EBF1: variants seen among roughly 807,000 people sequenced by gnomAD.
The protein encoded by EBF1 is transcription factor COE1.
In EBF1, 10 loss-of-function variants were observed where a neutral mutation model predicts 68.4. The ratio of observed to expected loss-of-function variants is 0.15; its 90% CI spans 0.09 to 0.25. EBF1 has a LOEUF of 0.25. EBF1 is among the 10% of genes least tolerant of loss of function. The pLI, the probability that EBF1 is intolerant of heterozygous loss-of-function variation, is 1.00. For synonymous variants in EBF1, 298 were observed against 299.8 expected (o/e 0.99, Z 0.06); for missense variants, 509 against 794.4 (o/e 0.64, Z 4.32).
chr5:158,748,801 C>T (rs1463974939), intron 10 of EBF1, among the ~76,000 whole-genome samples: 1 of 152,162 alleles, frequency 6.6e-6, no homozygotes, highest in Non-Finnish European at 1.5e-5. Context: ...ATTCTGCCCT[C>T]TGAATACCAG....
chr5:159,021,318 GA>G (rs928685432), intron 6 of EBF1, among the ~76,000 whole-genome samples: 3 of 151,952 alleles, frequency 2.0e-5, no homozygotes, highest in Non-Finnish European at 2.9e-5. Context: ...CTCATAGGAG[GA>G]AAAAAAATAG....
intron 7 of EBF1, among the ~76,000 whole-genome samples, chr5:158,839,818 A>T (rs1396908939): frequency 6.6e-6 from 1 of 152,174 alleles, no homozygotes; most frequent in African/African-American, 2.4e-5. Flanking sequence ...CTCAAAGAAC[A>T]CCATTGTTTC....
chr5:159,027,714 A>G (rs1767974896), intron 6 of EBF1, among the ~76,000 whole-genome samples: 1 of 152,218 alleles, frequency 6.6e-6, no homozygotes, highest in Non-Finnish European at 1.5e-5. Flanking sequence ...AGCAGCTGGC[A>G]TCTGAAAAAC....
chr5:158,841,811 T>G (rs141129403), intron 6 of EBF1, among the ~76,000 whole-genome samples: 126 of 152,310 alleles, frequency 8.3e-4, no homozygotes, highest in Non-Finnish European at 1.6e-3. Flanking sequence ...TGGGAATCAT[T>G]CTTTAGAGAC....
intron 6 of EBF1, among the ~76,000 whole-genome samples, chr5:158,844,828 A>G (rs1277224503): frequency 6.6e-6 from 1 of 152,222 alleles, no homozygotes; most frequent in African/African-American, 2.4e-5. Context: ...AGTGTAGGAC[A>G]TTAGCCCATC....
chr5:158,800,805 G>T (rs755094561), intron 8 of EBF1, among the ~76,000 whole-genome samples: 14 of 152,136 alleles, frequency 9.2e-5, no homozygotes, highest in Non-Finnish European at 1.8e-4. Flanking sequence ...ACTGTGAAAA[G>T]ATTTATGAAA....
chr5:158,938,580 T>C lies in EBF1; in HGVS notation c.555-98470A>G, dbSNP rs185481211. Among the ~76,000 whole-genome samples, 122 of 152,366 alleles carry C rather than the reference T, an allele frequency of 8.0e-4. No individual in the cohort carries two copies. The Middle Eastern group carries it at 0.01, about 13-fold the overall frequency. ...GTTCTGAAGGCTGAGAAGTCCAAGA[T>C]GAGGGTGCTGCAGATTCAATATCTG... is the stretch of plus-strand genomic sequence containing the variant. On this transcript the variant is annotated intron_variant, in intron 6 of 15. Coordinates refer to ENST00000313708, the MANE Select transcript of EBF1 (RefSeq NM_024007.5).
chr5:159,094,303 T>C (rs1163458504), intron 4 of EBF1, among the ~76,000 whole-genome samples: 2 of 151,424 alleles, frequency 1.3e-5, no homozygotes, highest in African/African-American at 4.9e-5. Context: ...AGCAATCAAC[T>C]GAGAAATAAA....
At chr5:158,960,247 T>C (rs1209302293) in intron 6 of EBF1, among the ~76,000 whole-genome samples, 1 of 152,220 alleles carries the variant, frequency 6.6e-6, no homozygotes, top group African/African-American at 2.4e-5. Context: ...GCATTCTAAA[T>C]CATTAAGAGA....
intron 6 of EBF1, among the ~76,000 whole-genome samples, chr5:159,048,518 C>T (rs116081865): frequency 0.017 from 2,622 of 152,308 alleles, 27 homozygotes; most frequent in Non-Finnish European, 0.025. Flanking sequence ...GCCTCTTGTA[C>T]TTCTGGAGCC....
chr5:158,909,746 G>A (rs899403282), intron 6 of EBF1, among the ~76,000 whole-genome samples: 1 of 151,974 alleles, frequency 6.6e-6, no homozygotes, highest in Admixed American at 6.6e-5. Flanking sequence ...AGACCATCCT[G>A]GCCAACATAG....
At chr5:158,970,663 T>C (rs1211794743) in intron 6 of EBF1, among the ~76,000 whole-genome samples, 2 of 152,190 alleles carry the variant, frequency 1.3e-5, no homozygotes, top group African/African-American at 4.8e-5. Context: ...CACAAGCACC[T>C]ACGGGTTAAA....
chr5:159,041,793 C>G (rs1384969275), intron 6 of EBF1, among the ~76,000 whole-genome samples: 1 of 152,152 alleles, frequency 6.6e-6, no homozygotes, highest in African/African-American at 2.4e-5. Context: ...TTTAAAGACG[C>G]CTCCTAGAAG....
intron 6 of EBF1, among the ~76,000 whole-genome samples, chr5:158,882,070 G>A (rs1463864226): frequency 1.3e-5 from 2 of 152,194 alleles, no homozygotes; most frequent in African/African-American, 2.4e-5. Flanking sequence ...AGGCTTCAAG[G>A]ATTATTGTTT....
chr5:159,046,080 C>A (rs778276373), intron 6 of EBF1, among the ~76,000 whole-genome samples: 34 of 152,324 alleles, frequency 2.2e-4, no homozygotes, highest in Admixed American at 3.9e-4. Flanking sequence ...CTGTTCCCTA[C>A]AGCTCTCCGT....
In EBF1 at chr5:158,697,643, G is replaced by A. The variant is rs1160696972; in HGVS notation, c.*1468C>T. Reference sequence around the variant, plus strand: ...CTTTGCAAGTATGTGCAAGCTAAAGGTAGTGAGCTTTTTTTCTTTGCAAAA... The same window carrying A: ...CTTTGCAAGTATGTGCAAGCTAAAGATAGTGAGCTTTTTTTCTTTGCAAAA... On this transcript the variant is annotated 3_prime_UTR_variant, in exon 16 of 16. Transcript: ENST00000313708. The A allele has an allele frequency of 9.8e-6, 2 of 203,270 alleles. No individual in the cohort carries two copies. The highest frequency in any genetic ancestry group is 6.0e-5 in the Admixed American group (1 of 16,732). The allele number at this position is 203,270 out of a possible 1,614,324, so 12.6% of individuals were successfully genotyped here. A position where few individuals can be genotyped will look rare whatever the true frequency, so the allele number is the denominator to read the frequency against.
At chr5:158,903,984 A>G (rs1391536871) in intron 6 of EBF1, among the ~76,000 whole-genome samples, 1 of 152,092 alleles carries the variant, frequency 6.6e-6, no homozygotes, top group African/African-American at 2.4e-5. Flanking sequence ...GGTGGAGGGT[A>G]CAAAACACTT....
At chr5:158,717,402 G>T (rs1760969626) in intron 11 of EBF1, among the ~76,000 whole-genome samples, 1 of 152,048 alleles carries the variant, frequency 6.6e-6, no homozygotes, top group Non-Finnish European at 1.5e-5. Flanking sequence ...CTTATTTTTT[G>T]TGGCATTAGG....
Position 159,010,583 on chromosome 5 carries a change from T to C in EBF1, c.554+62813A>G, listed in dbSNP as rs76642899. 3.1e-3 allele frequency among the ~76,000 whole-genome samples: 473 copies of C among 152,320 alleles called. 3 individuals carry two copies. The highest frequency in any genetic ancestry group is 0.011 in the African/African-American group (446 of 41,562). ...AAAGTAAACCATTTATACTGATCTTTGAAAAAGCTCTTTCGCCCTTTAAGA... is the reference window on the plus strand; with the variant it reads ...AAAGTAAACCATTTATACTGATCTTCGAAAAAGCTCTTTCGCCCTTTAAGA... On this transcript the variant is annotated intron_variant, in intron 6 of 15. Coordinates refer to ENST00000313708, the MANE Select transcript of EBF1 (RefSeq NM_024007.5).
Sources: allele counts gnomAD v4.1 joint callset (sites outside exome capture counted in the v4.1 genomes callset), GRCh38; gene constraint gnomAD v4.1.1; transcripts MANE v1.5; gene names NCBI Gene and HGNC (gene_info 2026-07-23, HGNC 2026-07-21).